ARHGAP6: variants seen among roughly 807,000 people sequenced by gnomAD.
ARHGAP6 encodes the protein Rho GTPase activating protein 6, also known as rho GTPase-activating protein 6.
Under a neutral mutation model 55.7 loss-of-function variants are expected in ARHGAP6, and 16 were observed. The ratio of observed to expected loss-of-function variants is 0.29; its 90% CI spans 0.19 to 0.44. ARHGAP6 has a LOEUF of 0.44. Ranked by LOEUF, ARHGAP6 falls within the 20% of genes least tolerant of loss-of-function variation. ARHGAP6 has a pLI of 1.00. For synonymous variants in ARHGAP6, 382 were observed against 360.9 expected (o/e 1.06, Z -0.66); for missense variants, 698 against 808.9 (o/e 0.86, Z 1.66).
At chrX:11,475,121 A>G (rs1348668926) in intron 1 of ARHGAP6, among the ~76,000 whole-genome samples, 1 of 111,769 alleles carries the variant, frequency 8.9e-6, no homozygotes, top group Non-Finnish European at 1.9e-5. Flanking sequence ...CAGGCATTCA[A>G]TATTCTGCAG....
chrX:11,192,773 C>T (rs2046477516), intron 3 of ARHGAP6, among the ~76,000 whole-genome samples: 1 of 111,544 alleles, frequency 9.0e-6, no homozygotes, highest in Admixed American at 9.5e-5. Flanking sequence ...TGAAAATGTC[C>T]TGGCAGGGGT....
At chrX:11,584,309 A>G (rs1413777250) in intron 1 of ARHGAP6, among the ~76,000 whole-genome samples, 1 of 112,531 alleles carries the variant, frequency 8.9e-6, no homozygotes, top group Non-Finnish European at 1.9e-5. Flanking sequence ...ACAGAAGTGA[A>G]AAACTGTTAG....
chrX:11,652,441 T>C (rs767185332), intron 1 of ARHGAP6, among the ~76,000 whole-genome samples: 16 of 112,056 alleles, frequency 1.4e-4, no homozygotes, highest in African/African-American at 5.2e-4. Flanking sequence ...TGCCTAAACC[T>C]AGTTTCTATA....
chrX:11,383,342 G>C lies in ARHGAP6; in HGVS notation c.589-128635C>G, dbSNP rs187175950. On this transcript the variant is annotated intron_variant, in intron 1 of 12. Coordinates refer to ENST00000337414, the MANE Select transcript of ARHGAP6 (RefSeq NM_013427.3). Reference sequence around the variant, plus strand: ...AATGAGGGAAATCCTTTGATAGTAAGAGTTTGCCTAATATCTTCTCAGAGT... The same window carrying C: ...AATGAGGGAAATCCTTTGATAGTAACAGTTTGCCTAATATCTTCTCAGAGT... Among the ~76,000 whole-genome samples the C allele has an allele frequency of 2.7e-5, 3 of 111,431 alleles. No individual in the cohort carries two copies. In the East Asian group the frequency reaches 8.5e-4, roughly 32 times the overall value.
At chrX:11,245,272 T>C (rs2047337521) in intron 2 of ARHGAP6, among the ~76,000 whole-genome samples, 1 of 111,962 alleles carries the variant, frequency 8.9e-6, no homozygotes, top group African/African-American at 3.2e-5. Context: ...GAATCCTCTA[T>C]CGCAGCTAGA....
At chrX:11,298,335 C>A in intron 1 of ARHGAP6, 2 of 1,150,969 alleles carry the variant, frequency 1.7e-6, no homozygotes, top group Non-Finnish European at 2.4e-6. Flanking sequence ...TTAAAATTCC[C>A]ATATTAAGTG....
At chrX:11,502,146 TA>T (rs1389763446) in intron 1 of ARHGAP6, among the ~76,000 whole-genome samples, 1 of 112,769 alleles carries the variant, frequency 8.9e-6, no homozygotes, top group Non-Finnish European at 1.9e-5. Context: ...TGTATATTCA[TA>T]CAATGGAATA....
intron 1 of ARHGAP6, among the ~76,000 whole-genome samples, chrX:11,374,568 C>T (rs1286081246): frequency 8.9e-6 from 1 of 112,091 alleles, no homozygotes; most frequent in Non-Finnish European, 1.9e-5. Context: ...CTAATACCAC[C>T]TCTGGAGCTA....
At chrX:11,624,192 C>A (rs994218055) in intron 1 of ARHGAP6, among the ~76,000 whole-genome samples, 3 of 112,188 alleles carry the variant, frequency 2.7e-5, no homozygotes, top group Non-Finnish European at 5.6e-5. Context: ...TGAAACTAGA[C>A]CCCTATCTCT....
chrX:11,610,616 T>TACAC (rs915916804), intron 1 of ARHGAP6, among the ~76,000 whole-genome samples: 3 of 112,349 alleles, frequency 2.7e-5, no homozygotes, highest in African/African-American at 9.7e-5. Context: ...CATACATACA[T>TACAC]ACACACACAG....
intron 1 of ARHGAP6, among the ~76,000 whole-genome samples, chrX:11,643,717 C>T (rs2052498850): frequency 9.0e-6 from 1 of 111,185 alleles, no homozygotes; most frequent in African/African-American, 3.3e-5. Flanking sequence ...TGAATTTGGG[C>T]TGCCATGTAG....
At chrX:11,362,272 T>C (rs942947510) in intron 1 of ARHGAP6, among the ~76,000 whole-genome samples, 3 of 111,492 alleles carry the variant, frequency 2.7e-5, no homozygotes, top group Non-Finnish European at 3.8e-5. Context: ...CCAACAAGGA[T>C]AGACTGGATT....
Position 11,427,379 on chromosome X carries a change from G to A in ARHGAP6, c.589-172672C>T, listed in dbSNP as rs1007764236. ...TACCTTCTAAAAGATTTCGGGAAGC[G>A]CCACTGAGTTAGTGAGCAGGTGGCA... On this transcript the variant is annotated intron_variant, in intron 1 of 12. Coordinates refer to ENST00000337414, the MANE Select transcript of ARHGAP6 (RefSeq NM_013427.3). Among the ~76,000 whole-genome samples, 93 of 112,374 alleles carry A rather than the reference G, an allele frequency of 8.3e-4. 2 individuals are homozygous for A. The highest frequency in any genetic ancestry group is 5.6e-5 in the Non-Finnish European group (3 of 53,216).
intron 1 of ARHGAP6, among the ~76,000 whole-genome samples, chrX:11,546,212 T>TATATCCC (rs2051210723): frequency 9.0e-6 from 1 of 110,973 alleles, no homozygotes; most frequent in African/African-American, 3.3e-5. Flanking sequence ...TATTTATACC[T>TATATCCC]ATATCCCTAA....
intron 1 of ARHGAP6, among the ~76,000 whole-genome samples, chrX:11,350,028 G>A (rs1352291839): frequency 8.9e-6 from 1 of 111,831 alleles, no homozygotes; most frequent in Non-Finnish European, 1.9e-5. Context: ...AAAATAAAAC[G>A]TAAGGAAACC....
chrX:11,139,426 C>T lies in ARHGAP6; in HGVS notation c.2362G>A (p.Ala788Thr). The T allele has an allele frequency of 8.4e-7, 1 of 1,186,971 alleles. No individual in the cohort carries two copies. The highest frequency in any genetic ancestry group is 2.4e-4 in the Middle Eastern group (1 of 4,230). The change falls in exon 13 of 13, where the codon GCA becomes ACA. Residue 788 changes from alanine (A) to threonine (T), a missense_variant. Around this residue, in one of 3 missense-constraint regions of ARHGAP6, gnomAD observed 212 missense variants for 208.7 expected, o/e 1.02. Coordinates refer to ENST00000337414, the MANE Select transcript of ARHGAP6 (RefSeq NM_013427.3). ...CCCTGCGTGTCGCTGTCCAGCTCTG[C>T]GGGGCTCCCCTGCCACCGAGGCCAA... The part of the protein sequence containing the change: ...PNWPRWQGSP[A>T]ELDSDTQGAR...
At chrX:11,174,131 A>G (rs1372639082) in intron 8 of ARHGAP6, among the ~76,000 whole-genome samples, 4 of 111,634 alleles carry the variant, frequency 3.6e-5, no homozygotes, top group Non-Finnish European at 7.5e-5. Flanking sequence ...AATAATAAAT[A>G]ACTCCTCTCT....
At chrX:11,320,058 T>C (rs1283343945) in intron 1 of ARHGAP6, among the ~76,000 whole-genome samples, 2 of 112,304 alleles carry the variant, frequency 1.8e-5, no homozygotes, top group Non-Finnish European at 3.8e-5. Context: ...AAGTAAATTT[T>C]GACTTTGCTA....
At chrX:11,406,056 C>A (rs1977309214) in intron 1 of ARHGAP6, among the ~76,000 whole-genome samples, 1 of 110,981 alleles carries the variant, frequency 9.0e-6, no homozygotes, top group African/African-American at 3.3e-5. Context: ...AGTGTGCCAC[C>A]ATGCCCAGCT....
Sources: gnomAD v4.1 joint callset for allele counts (sites outside exome capture counted in the v4.1 genomes callset) on GRCh38, gnomAD v4.1.1 for gene constraint, gnomAD v4.1.1 regional missense constraint, MANE v1.5 for transcripts, NCBI Gene and HGNC (gene_info 2026-07-23, HGNC 2026-07-21) for gene names.